CHRM3: variants seen among roughly 807,000 people sequenced by gnomAD.
The protein encoded by CHRM3 is cholinergic receptor muscarinic 3.
Under a neutral mutation model 41.8 loss-of-function variants are expected in CHRM3, and 11 were observed. The observed-to-expected ratio is 0.26, with a 90% CI of 0.17 to 0.44. The LOEUF is 0.44. Ranked by LOEUF, CHRM3 falls within the 20% of genes least tolerant of loss-of-function variation. CHRM3 has a pLI of 1.00. For synonymous variants in CHRM3, 297 were observed against 301.4 expected, an observed-to-expected ratio of 0.99 and a Z score of 0.15; for missense variants, 571 against 745.4, an observed-to-expected ratio of 0.77 and a Z score of 2.72.
chr1:239,484,591 CAGG>C, intron 1 of CHRM3, among the ~76,000 whole-genome samples: 1 of 152,210 alleles, frequency 6.6e-6, no homozygotes, highest in South Asian at 2.1e-4. Context: ...CCCAGCTACT[CAGG>C]AGGTTAAGGT....
intron 4 of CHRM3, among the ~76,000 whole-genome samples, chr1:239,654,058 C>T (rs1672482480): frequency 1.3e-5 from 2 of 152,132 alleles, no homozygotes; most frequent in African/African-American, 4.8e-5. Context: ...ACTTCCCAGG[C>T]TCGAACAGTC....
At chr1:239,482,258 T>C (rs922085924) in intron 1 of CHRM3, among the ~76,000 whole-genome samples, 1 of 152,142 alleles carries the variant, frequency 6.6e-6, no homozygotes, top group Non-Finnish European at 1.5e-5. Flanking sequence ...CACACACTTC[T>C]GTTGAATATA....
intron 5 of CHRM3, chr1:239,718,780 T>C (rs1254909619): frequency 1.3e-5 from 2 of 151,992 alleles, no homozygotes; most frequent in South Asian, 2.1e-4. Flanking sequence ...GCCAAAGCTC[T>C]TTTCTTAAAT....
At chr1:239,677,390 A>G (rs929176031) in intron 4 of CHRM3, among the ~76,000 whole-genome samples, 71 of 152,248 alleles carry the variant, frequency 4.7e-4, no homozygotes, top group African/African-American at 1.5e-3. Flanking sequence ...ATTATTTGCC[A>G]TAAAACATTA....
At chr1:239,517,545 G>A (rs562072098) in intron 2 of CHRM3, among the ~76,000 whole-genome samples, 10 of 152,238 alleles carry the variant, frequency 6.6e-5, no homozygotes, top group South Asian at 2.1e-4. Context: ...CAGTTGATCC[G>A]GAATTTAGTG....
chr1:239,768,500 G>GCA (rs56926542), intron 5 of CHRM3, among the ~76,000 whole-genome samples: 2 of 152,056 alleles, frequency 1.3e-5, no homozygotes, highest in Non-Finnish European at 2.9e-5. Flanking sequence ...AAATAAACAT[G>GCA]GTGAAAATTA....
chr1:239,809,738 A>G (rs1266132379), intron 5 of CHRM3, among the ~76,000 whole-genome samples: 1 of 151,840 alleles, frequency 6.6e-6, no homozygotes, highest in Non-Finnish European at 1.5e-5. Flanking sequence ...GACTCAAGCT[A>G]TCCTCTTGCC....
chr1:239,559,630 C>T (rs1421580959), intron 3 of CHRM3, among the ~76,000 whole-genome samples: 1 of 152,142 alleles, frequency 6.6e-6, no homozygotes, highest in East Asian at 1.9e-4. Context: ...AAAACTAAGA[C>T]ATTATTGTTA....
At chr1:239,407,074 C>CT (rs1240674884) in intron 1 of CHRM3, among the ~76,000 whole-genome samples, 26 of 152,206 alleles carry the variant, frequency 1.7e-4, no homozygotes, top group African/African-American at 5.8e-4. Flanking sequence ...CTGCTGTTTT[C>CT]TTTTTTTGTT....
intron 3 of CHRM3, among the ~76,000 whole-genome samples, chr1:239,608,522 A>G (rs868232814): frequency 6.6e-6 from 1 of 152,210 alleles, no homozygotes; most frequent in Non-Finnish European, 1.5e-5. Context: ...AATAAGCAAC[A>G]TGAGTACTTT....
At chr1:239,400,316 A>G (rs1407638444) in intron 1 of CHRM3, among the ~76,000 whole-genome samples, 1 of 151,952 alleles carries the variant, frequency 6.6e-6, no homozygotes, top group Non-Finnish European at 1.5e-5. Flanking sequence ...CTTTTTTGCT[A>G]TTGAGTTTTT....
Position 239,906,443 on chromosome 1 carries a change from G to A in CHRM3, c.-19-990G>A, listed in dbSNP as rs185816673. 1.0e-3 allele frequency among the ~76,000 whole-genome samples: 152 copies of A among 152,162 alleles called. 2 individuals are homozygous for A. Among genetic ancestry groups the A allele is most frequent in the Non-Finnish European group, 1.6e-4 (11 of 67,996 alleles). ...GCTTATCTAGTGTACGGTGGCTGGC[G>A]GTGTGTGAATTCCTGAGCCAGTGGT... On this transcript the variant is annotated intron_variant, in intron 6 of 6. Transcript: ENST00000676153.
intron 6 of CHRM3, among the ~76,000 whole-genome samples, chr1:239,884,000 C>T (rs1677859041): frequency 6.6e-6 from 1 of 152,194 alleles, no homozygotes; most frequent in Non-Finnish European, 1.5e-5. Context: ...CCCCAACAAA[C>T]ACCCACACAC....
At chr1:239,469,410 G>A (rs564698526) in intron 1 of CHRM3, among the ~76,000 whole-genome samples, 63 of 152,272 alleles carry the variant, frequency 4.1e-4, no homozygotes, top group African/African-American at 1.4e-3. Context: ...TACCTGGCAC[G>A]TAGAAGGTTT....
In CHRM3 at chr1:239,667,649, T is replaced by C. The variant is rs1427309665; in HGVS notation, c.-249-10537T>C. On this transcript the variant is annotated intron_variant, in intron 4 of 6. Coordinates refer to ENST00000676153, the MANE Select transcript of CHRM3 (RefSeq NM_001375978.1). Reference sequence around the variant, plus strand: ...GAGAAGCACCTCTTCATCCTTTCCCTTGTCACGTGCTACCTCCTGTAAGTG... The same window carrying C: ...GAGAAGCACCTCTTCATCCTTTCCCCTGTCACGTGCTACCTCCTGTAAGTG... Among the ~76,000 whole-genome samples the C allele has an allele frequency of 5.3e-5, 8 of 152,164 alleles. No homozygotes were observed. In the East Asian group the frequency reaches 1.2e-3, roughly 22 times the overall value.
At chr1:239,889,168 A>AG (rs1558212710) in intron 6 of CHRM3, among the ~76,000 whole-genome samples, 1 of 152,136 alleles carries the variant, frequency 6.6e-6, no homozygotes, top group Non-Finnish European at 1.5e-5. Flanking sequence ...AGTGGAATGC[A>AG]GGGGGGTTTA....
chr1:239,764,217 C>T (rs1667028046), intron 5 of CHRM3, among the ~76,000 whole-genome samples: 1 of 152,024 alleles, frequency 6.6e-6, no homozygotes, highest in African/African-American at 2.4e-5. Flanking sequence ...ATGTGGTTAT[C>T]TTATGTTGAT....
At chr1:239,552,885 G>A (rs1009042550) in intron 3 of CHRM3, among the ~76,000 whole-genome samples, 3 of 151,754 alleles carry the variant, frequency 2.0e-5, no homozygotes, top group East Asian at 1.9e-4. Flanking sequence ...TTATGCATTC[G>A]AAGATGAACA....
intron 1 of CHRM3, among the ~76,000 whole-genome samples, chr1:239,484,376 C>T (rs1220606404): frequency 4.6e-5 from 7 of 152,110 alleles, no homozygotes; most frequent in South Asian, 2.1e-4. Context: ...ACCAAGGGGA[C>T]GGTGATAAGC....
Sources: gnomAD v4.1 joint callset for allele counts (sites outside exome capture counted in the v4.1 genomes callset) on GRCh38, gnomAD v4.1.1 for gene constraint, MANE v1.5 for transcripts, NCBI Gene and HGNC (gene_info 2026-07-23, HGNC 2026-07-21) for gene names.